TFB1M: variants seen among roughly 807,000 people sequenced by gnomAD.
The protein encoded by TFB1M is dimethyladenosine transferase 1, mitochondrial.
TFB1M carries 27 observed loss-of-function variants against 31.1 expected under a neutral mutation model. The observed-to-expected ratio is 0.87, with a 90% confidence interval of 0.64 to 1.20. The LOEUF (loss-of-function observed/expected upper bound fraction) is 1.20. TFB1M is among the 50% of genes most tolerant of loss of function. The probability of loss-of-function intolerance (pLI) is 0.00; values close to 1 mark genes in which losing one functional copy is unlikely to be tolerated. For synonymous variants in TFB1M, 166 were observed against 151.8 expected, an observed-to-expected ratio of 1.09 and a Z score of -0.69; for missense variants, 394 against 418.7, an observed-to-expected ratio of 0.94 and a Z score of 0.51.
the TFB1M span, among the ~76,000 whole-genome samples, chr6:155,237,236 A>C: frequency 2.6e-5 from 4 of 152,236 alleles, no homozygotes; most frequent in African/African-American, 4.8e-5. Flanking sequence ...TAAAGCTCCA[A>C]AATGATCTCC....
At chr6:155,287,129 TAAC>T (rs567098643) in intron 4 of TFB1M, among the ~76,000 whole-genome samples, 3 of 151,836 alleles carry the variant, frequency 2.0e-5, no homozygotes, top group Non-Finnish European at 4.4e-5. Context: ...AAAAAAAACC[TAAC>T]AGAACCTGAT....
At chr6:155,263,076 G>C (rs879941705) in intron 5 of TFB1M, among the ~76,000 whole-genome samples, 1 of 152,192 alleles carries the variant, frequency 6.6e-6, no homozygotes, top group Non-Finnish European at 1.5e-5. Flanking sequence ...TCCTGCTTCT[G>C]GGACGGCCAG....
At chr6:155,260,505 G>T in intron 5 of TFB1M, 105 bp from the exon 6 acceptor site, 2 of 1,462,334 alleles carry the variant, frequency 1.4e-6, no homozygotes, top group Non-Finnish European at 1.9e-6. Flanking sequence ...TCAACAGCCT[G>T]TTTTCATAAA....
rs1189869721 is a variant in TFB1M at position 155,290,388 on chromosome 6, C to CAAA, written c.547-5114_547-5112dup. On this transcript the variant is annotated intron_variant, in intron 4 of 6. Coordinates refer to ENST00000367166, the MANE Select transcript of TFB1M (RefSeq NM_016020.4). ...GTGACAGAGCGGCGAGACTCGGCCT[C>CAAA]AAAAAAAAAAAAAAAAAAAAAAGAA... 7.3e-4 allele frequency among the ~76,000 whole-genome samples: 79 copies of CAAA among 107,500 alleles called. 2 individuals are homozygous for CAAA. Among genetic ancestry groups the CAAA allele is most frequent in the South Asian group, 1.5e-3 (5 of 3,368 alleles). 70.5% of individuals were successfully genotyped at this position (107,500 alleles called of 152,430 possible). A position where few individuals can be genotyped will look rare whatever the true frequency, so the allele number is the denominator to read the frequency against.
the TFB1M span, among the ~76,000 whole-genome samples, chr6:155,236,577 T>G: frequency 1.3e-5 from 2 of 152,010 alleles, no homozygotes; most frequent in Non-Finnish European, 2.9e-5. Flanking sequence ...GCAGGAGAAT[T>G]GCTTGCACCC....
At chr6:155,252,097 G>T, downstream of TFB1M, 1 of 948,336 alleles carries the variant, frequency 1.1e-6, no homozygotes, top group East Asian at 2.6e-5. Context: ...CACCAAGGCT[G>T]GGCTGACTGA....
At chr6:155,308,147 G>A (rs1351208603) in intron 2 of TFB1M, among the ~76,000 whole-genome samples, 1 of 152,136 alleles carries the variant, frequency 6.6e-6, no homozygotes, top group East Asian at 1.9e-4. Context: ...AATCCAGTCA[G>A]TCATAAAAAT....
At position 155,257,868 on chromosome 6, in the gene TFB1M, C is replaced by CT. The variant is rs1562382043; in HGVS notation, c.1008dup (p.Glu337ArgfsTer4). 2 of 1,614,150 alleles carry CT rather than the reference C, an allele frequency of 1.2e-6. No individual in the cohort carries two copies. Among genetic ancestry groups the CT allele is most frequent in the South Asian group, 2.2e-5 (2 of 91,082 alleles). On this transcript the variant is annotated frameshift_variant, in exon 7 of 7. Transcript: ENST00000367166. LOFTEE classifies it low-confidence loss of function (END_TRUNC). ...CTGTAATTCTCTGCGTCATCCTCTT[C>CT]TTTTTCTTCATTTTTGCTTTTTCTT...
chr6:155,269,948 A>G (rs1469014647), intron 5 of TFB1M, among the ~76,000 whole-genome samples: 1 of 152,270 alleles, frequency 6.6e-6, no homozygotes, highest in East Asian at 1.9e-4. Flanking sequence ...ATCAGTGATG[A>G]ACGAAACAGA....
At position 155,257,442 on chromosome 6, in the gene TFB1M, T is replaced by C. The variant is rs1583301213; in HGVS notation, c.*394A>G. Reference sequence around the variant, plus strand: ...GTAAGGCTGGGGAAGTCGTGATTAATAGTTTTCAAAGGGCCATTTTTTAAA... The same window carrying C: ...GTAAGGCTGGGGAAGTCGTGATTAACAGTTTTCAAAGGGCCATTTTTTAAA... On this transcript the variant is annotated 3_prime_UTR_variant, in exon 7 of 7. Coordinates refer to ENST00000367166, the MANE Select transcript of TFB1M (RefSeq NM_016020.4). 3 of 343,678 alleles carry C rather than the reference T, an allele frequency of 8.7e-6. No homozygotes were observed. The highest frequency in any genetic ancestry group is 7.1e-5 in the South Asian group (2 of 28,008). The allele number at this position is 343,678 out of a possible 1,614,324, so 21.3% of individuals were successfully genotyped here.
intron 4 of TFB1M, 114 bp downstream of exon 4, chr6:155,296,839 G>T: frequency 9.9e-7 from 1 of 1,012,170 alleles, no homozygotes; most frequent in Non-Finnish European, 1.5e-6. Flanking sequence ...GGGTTCTTGT[G>T]TGTGTAATAA....
At chr6:155,249,203 G>A in the TFB1M span, among the ~76,000 whole-genome samples, 4 of 152,150 alleles carry the variant, frequency 2.6e-5, no homozygotes. Flanking sequence ...CTAAAATTTT[G>A]CTTTTTGGCT....
Position 155,256,729 on chromosome 6 carries a change from G to C in TFB1M, c.*1107C>G, listed in dbSNP as rs997617223. ...AGAGAGTGACATCCTGAGCGATGAA[G>C]ATGATGACCACCGTCAGACTGTGAA... On this transcript the variant is annotated 3_prime_UTR_variant, in exon 7 of 7. Coordinates refer to ENST00000367166, the MANE Select transcript of TFB1M (RefSeq NM_016020.4). The C allele has an allele frequency of 3.1e-6, 5 of 1,614,084 alleles. No homozygotes were observed. The highest frequency in any genetic ancestry group is 4.2e-6 in the Non-Finnish European group (5 of 1,180,052).
chr6:155,248,562 C>T, the TFB1M span, among the ~76,000 whole-genome samples: 1 of 152,222 alleles, frequency 6.6e-6, no homozygotes, highest in Non-Finnish European at 1.5e-5. Flanking sequence ...GTGGGGTTCG[C>T]TGCCCGAGCT....
the TFB1M span, among the ~76,000 whole-genome samples, chr6:155,250,155 G>C: frequency 1.3e-5 from 2 of 152,210 alleles, no homozygotes; most frequent in Admixed American, 6.5e-5. Context: ...TCATTACACT[G>C]GTTTAAAATA....
At chr6:155,231,423 C>A in the TFB1M span, among the ~76,000 whole-genome samples, 1 of 152,196 alleles carries the variant, frequency 6.6e-6, no homozygotes, top group Admixed American at 6.5e-5. Context: ...CATACAATTT[C>A]CCTGGAGTAT....
intron 2 of TFB1M, among the ~76,000 whole-genome samples, chr6:155,305,140 TTATA>T (rs531146294): frequency 2.2e-5 from 2 of 89,988 alleles, no homozygotes; most frequent in Non-Finnish European, 3.8e-5. Context: ...AATTATATAT[TTATA>T]TATATAAATA....
chr6:155,243,440 C>A, the TFB1M span, among the ~76,000 whole-genome samples: 1 of 151,234 alleles, frequency 6.6e-6, no homozygotes, highest in East Asian at 1.9e-4. Flanking sequence ...AAGACACTTA[C>A]CTAAGCAGAG....
the TFB1M span, among the ~76,000 whole-genome samples, chr6:155,234,003 T>TGGGGG: frequency 6.1e-5 from 9 of 147,226 alleles, no homozygotes; most frequent in Non-Finnish European, 1.0e-4. Context: ...AAATTTTTTT[T>TGGGGG]GGGGGGGGGT....
Sources: gnomAD v4.1 joint callset for allele counts (sites outside exome capture counted in the v4.1 genomes callset) on GRCh38, gnomAD v4.1.1 for gene constraint, MANE v1.5 for transcripts, NCBI Gene and HGNC (gene_info 2026-07-23, HGNC 2026-07-21) for gene names.